The following KDM4B variants were observed in gnomAD, a reference collection of about 807,000 sequenced individuals.
The protein encoded by KDM4B is lysine-specific demethylase 4B.
In KDM4B, 32 loss-of-function variants were observed where a neutral mutation model predicts 125.2. The ratio of observed to expected loss-of-function variants is 0.26; its 90% CI spans 0.19 to 0.34. The LOEUF (loss-of-function observed/expected upper bound fraction) is 0.34. KDM4B is among the 10% of genes least tolerant of loss of function. The pLI is 1.00. For missense variants in KDM4B, 1,190 were observed against 1,577.7 expected, an observed-to-expected ratio of 0.75 and a Z score of 4.16; for synonymous variants, 721 against 677.9, an observed-to-expected ratio of 1.06 and a Z score of -0.99.
At chr19:5,148,390 C>T (rs1390715268) in intron 21 of KDM4B, among the ~76,000 whole-genome samples, 1 of 152,222 alleles carries the variant, frequency 6.6e-6, no homozygotes, top group Non-Finnish European at 1.5e-5. Context: ...GAGCGCCATC[C>T]TCCTAGGCGG....
intron 9 of KDM4B, among the ~76,000 whole-genome samples, chr19:5,083,218 A>G (rs1166934097): frequency 1.3e-5 from 2 of 152,156 alleles, no homozygotes; most frequent in Non-Finnish European, 2.9e-5. Context: ...ACGTACAGCC[A>G]TCTGTGTGGC....
intron 6 of KDM4B, among the ~76,000 whole-genome samples, chr19:5,066,961 C>CGCGTCCT (rs1244014549): frequency 6.6e-6 from 1 of 152,070 alleles, no homozygotes; most frequent in African/African-American, 2.4e-5. Context: ...TCCTGGGTCC[C>CGCGTCCT]GCGTCCTGCG....
At chr19:5,028,666 C>T (rs2145597809) in intron 2 of KDM4B, among the ~76,000 whole-genome samples, 1 of 152,318 alleles carries the variant, frequency 6.6e-6, no homozygotes, top group East Asian at 1.9e-4. Context: ...TCTTGCAGAG[C>T]AGCTGTCCCA....
intron 6 of KDM4B, among the ~76,000 whole-genome samples, chr19:5,059,633 C>T (rs1253057899): frequency 6.6e-6 from 1 of 152,228 alleles, no homozygotes; most frequent in Non-Finnish European, 1.5e-5. Context: ...GTTCAACTCC[C>T]GTGCTCTCCA....
intron 3 of KDM4B, among the ~76,000 whole-genome samples, chr19:5,039,633 C>G (rs928172734): frequency 6.6e-6 from 1 of 152,168 alleles, no homozygotes; most frequent in Non-Finnish European, 1.5e-5. Context: ...TGGCTCTGCC[C>G]TAGCAGGTGA....
At chr19:5,056,355 A>ATGC (rs2037395324) in intron 6 of KDM4B, among the ~76,000 whole-genome samples, 1 of 150,338 alleles carries the variant, frequency 6.7e-6, no homozygotes. Flanking sequence ...CCCGCTTTCC[A>ATGC]TGCTGTCATC....
At chr19:5,103,713 G>A (rs1483583873) in intron 9 of KDM4B, among the ~76,000 whole-genome samples, 1 of 152,210 alleles carries the variant, frequency 6.6e-6, no homozygotes, top group Non-Finnish European at 1.5e-5. Context: ...GGTCTGTGAC[G>A]GTATCTGTCA....
intron 10 of KDM4B, 92 bp from the exon 11 acceptor site, chr19:5,119,561 G>A: frequency 7.9e-7 from 1 of 1,260,090 alleles, no homozygotes; most frequent in East Asian, 2.5e-5. Flanking sequence ...TCTGGGGGTG[G>A]GCGGGGGCTG....
chr19:5,108,360 T>C (rs1018274422), intron 9 of KDM4B, among the ~76,000 whole-genome samples: 1 of 152,188 alleles, frequency 6.6e-6, no homozygotes, highest in African/African-American at 2.4e-5. Flanking sequence ...ATGAATTGAG[T>C]TTGCTGGGAA....
chr19:5,136,853 A>T (rs577255841), intron 15 of KDM4B, among the ~76,000 whole-genome samples: 38 of 152,098 alleles, frequency 2.5e-4, no homozygotes, highest in South Asian at 8.3e-4. Context: ...TTCCAGACCC[A>T]GGGCCACATC....
intron 5 of KDM4B, among the ~76,000 whole-genome samples, chr19:5,041,637 C>A (rs1282150759): frequency 6.6e-6 from 1 of 152,260 alleles, no homozygotes; most frequent in Non-Finnish European, 1.5e-5. Flanking sequence ...CAACCCGGTC[C>A]TGACTTGGGC....
chr19:5,139,619 A>G (rs2039706842), intron 18 of KDM4B, among the ~76,000 whole-genome samples: 1 of 152,232 alleles, frequency 6.6e-6, no homozygotes, highest in Admixed American at 6.5e-5. Context: ...CCGCCCTAGC[A>G]GGTGCGAGGT....
At chr19:5,150,731 A>G (rs923110978) in intron 22 of KDM4B, among the ~76,000 whole-genome samples, 1 of 152,068 alleles carries the variant, frequency 6.6e-6, no homozygotes, top group Admixed American at 6.5e-5. Flanking sequence ...ACGAATGCAG[A>G]ACAGACCCTC....
chr19:5,095,393 TA>T (rs2038800781), intron 9 of KDM4B, among the ~76,000 whole-genome samples: 1 of 152,252 alleles, frequency 6.6e-6, no homozygotes, highest in Non-Finnish European at 1.5e-5. Context: ...GAGCAGACTC[TA>T]GTATCTGTTC....
intron 1 of KDM4B, among the ~76,000 whole-genome samples, chr19:5,001,858 G>A (rs878856170): frequency 2.6e-5 from 4 of 152,034 alleles, no homozygotes; most frequent in African/African-American, 4.8e-5. Flanking sequence ...AGCTGTTTTT[G>A]TATCTTTTCT....
intron 1 of KDM4B, among the ~76,000 whole-genome samples, chr19:5,012,357 C>A (rs2035755639): frequency 6.6e-6 from 1 of 152,248 alleles, no homozygotes; most frequent in South Asian, 2.1e-4. Context: ...GCATTTGTCT[C>A]TTGATTAACA....
chr19:4,974,509 C>T (rs1376180410), intron 1 of KDM4B, among the ~76,000 whole-genome samples: 2 of 151,878 alleles, frequency 1.3e-5, no homozygotes, highest in Admixed American at 6.6e-5. Flanking sequence ...GAGGCCGAGG[C>T]GGGAGGATCA....
chr19:5,064,322 AAATG>A (rs1313350240), intron 6 of KDM4B, among the ~76,000 whole-genome samples: 5 of 152,254 alleles, frequency 3.3e-5, no homozygotes, highest in Middle Eastern at 6.8e-3. Context: ...ATAGCGCATT[AAATG>A]GCGAAGGCCC....
At position 5,078,520 on chromosome 19, in the gene KDM4B, C is replaced by A. The variant is rs895207876; in HGVS notation, c.780+1050C>A. ...GAAGTGCGCATTTCCGGCCTTTCCTCTTCTCCCCCGTCTTCTGGTTGGAAC... is the reference window on the plus strand; with the variant it reads ...GAAGTGCGCATTTCCGGCCTTTCCTATTCTCCCCCGTCTTCTGGTTGGAAC... On this transcript the variant is annotated intron_variant, in intron 8 of 22. Transcript: ENST00000159111. This position sits in a 1 kb window ranked among gnomAD's most constrained non-coding sequence, Gnocchi z 4.5. The A allele has an allele frequency of 6.6e-6, 1 of 152,048 alleles. No individual in the cohort carries two copies. The highest frequency in any genetic ancestry group is 1.5e-5 in the Non-Finnish European group (1 of 68,038). 9.4% of individuals were successfully genotyped at this position (152,048 alleles called of 1,614,324 possible).
Sources: allele counts gnomAD v4.1 joint callset (sites outside exome capture counted in the v4.1 genomes callset), GRCh38; gene constraint gnomAD v4.1.1; non-coding constraint Gnocchi (gnomAD v3.1); transcripts MANE v1.5; gene names NCBI Gene and HGNC (gene_info 2026-07-23, HGNC 2026-07-21).